Variants in MLIP observed in about 807,000 individuals in gnomAD.
The protein encoded by MLIP is muscular LMNA-interacting protein.
In MLIP, 79 loss-of-function variants were observed where a neutral mutation model predicts 84.8. The observed-to-expected ratio is 0.93, with a 90% CI of 0.78 to 1.12. The LOEUF is 1.12. MLIP is among the 50% of genes most tolerant of loss of function. MLIP has a pLI of 0.00. For synonymous variants in MLIP, 504 were observed against 463.0 expected, an observed-to-expected ratio of 1.09 and a Z score of -1.14; for missense variants, 1,257 against 1,160.6, an observed-to-expected ratio of 1.08 and a Z score of -1.21.
At chr6:54,200,494 C>T (rs1259427299) in intron 10 of MLIP, among the ~76,000 whole-genome samples, 2 of 151,398 alleles carry the variant, frequency 1.3e-5, no homozygotes, top group Admixed American at 6.6e-5. Context: ...AGAAATGAAG[C>T]AGGAAGTCAA....
Position 54,137,378 on chromosome 6 carries a change from C to T in MLIP, c.1309C>T (p.Pro437Ser), listed in dbSNP as rs181378189. ...HQRPFSPASCPTFSLNSPASS... is the reference protein window; with the variant it reads ...HQRPFSPASCSTFSLNSPASS... Reference sequence around the variant, plus strand: ...AAGACCCTTTTCCCCTGCATCCTGTCCCACCTTCTCTCTCAACTCCCCGGC... The same window carrying T: ...AAGACCCTTTTCCCCTGCATCCTGTTCCACCTTCTCTCTCAACTCCCCGGC... The change falls in exon 4 of 14, where the codon CCC (proline) becomes TCC (serine). Residue 437 changes from proline (P) to serine (S), a missense_variant. Coordinates refer to ENST00000502396, the MANE Select transcript of MLIP (RefSeq NM_001281747.2). 30 of 1,536,122 alleles carry T rather than the reference C, an allele frequency of 2.0e-5. No homozygotes were observed. The East Asian group carries it at 7.1e-4, about 36-fold the overall frequency.
At chr6:54,025,372 T>G (rs1763742337) in intron 1 of MLIP, among the ~76,000 whole-genome samples, 1 of 152,136 alleles carries the variant, frequency 6.6e-6, no homozygotes, top group African/African-American at 2.4e-5. Flanking sequence ...ACAAGGCAAC[T>G]TCACATAATA....
chr6:54,242,625 C>T (rs151231389), intron 12 of MLIP, among the ~76,000 whole-genome samples: 8 of 152,152 alleles, frequency 5.3e-5, no homozygotes, highest in African/African-American at 1.9e-4. Context: ...TAATTCTAAC[C>T]TTCCCCTACT....
At chr6:54,160,849 A>G (rs1285558694) in intron 8 of MLIP, 50 bp downstream of exon 8, 5 of 1,473,170 alleles carry the variant, frequency 3.4e-6, no homozygotes, top group Non-Finnish European at 3.7e-6. Context: ...TTATTAGATC[A>G]ATGATTTCCA....
chr6:54,159,887 G>C (rs1774433337), intron 5 of MLIP, among the ~76,000 whole-genome samples: 1 of 152,012 alleles, frequency 6.6e-6, no homozygotes, highest in East Asian at 1.9e-4. Flanking sequence ...TAAGCAAAAA[G>C]AACAAAGCTG....
chr6:54,124,785 A>C lies in MLIP; in HGVS notation c.565A>C (p.Lys189Gln). 2 of 1,614,170 alleles carry C rather than the reference A, an allele frequency of 1.2e-6. No individual in the cohort carries two copies. The highest frequency in any genetic ancestry group is 1.7e-6 in the Non-Finnish European group (2 of 1,180,016). The change falls in exon 3 of 14, where the codon AAA becomes CAA. Residue 189 changes from lysine to glutamine, a missense_variant. Lys to Gln is a moderately conservative substitution (Grantham distance 53). Transcript: ENST00000502396. Reference protein sequence around the residue: ...SSLVSDVVRPKTQGTDLKTSS... With the variant: ...SSLVSDVVRPQTQGTDLKTSS... ...TCTGGTCTCTGATGTAGTGCGTCCC[A>C]AAACACAGGGGACTGATCTCAAGAC...
chr6:54,151,946 A>C (rs1773490081), intron 5 of MLIP, among the ~76,000 whole-genome samples: 1 of 152,062 alleles, frequency 6.6e-6, no homozygotes. Flanking sequence ...AAAAGAGTAC[A>C]CTTTGTTGGC....
chr6:54,087,687 G>T (rs978609255), intron 1 of MLIP, among the ~76,000 whole-genome samples: 1 of 152,122 alleles, frequency 6.6e-6, no homozygotes, highest in African/African-American at 2.4e-5. Context: ...ACCTGCATGG[G>T]TTGTGAGAAC....
At chr6:54,032,489 A>G (rs2150285380) in intron 1 of MLIP, 1 of 152,328 alleles carries the variant, frequency 6.6e-6, no homozygotes, top group Non-Finnish European at 1.5e-5. Context: ...GTACTTCTGA[A>G]TATCTGGAAC....
Position 54,230,829 on chromosome 6 carries a change from C to T in MLIP, c.2834C>T (p.Ala945Val), listed in dbSNP as rs768755272. 6.2e-7 allele frequency: 1 copy of T among 1,614,044 alleles called. No individual in the cohort carries two copies. The highest frequency in any genetic ancestry group is 1.1e-5 in the South Asian group (1 of 91,072). Reference sequence around the variant, plus strand: ...ACCCTCTCACATGCTGACTGTCTTGCCCCAGGACCCTTCAGTCATCTGTCC... The same window carrying T: ...ACCCTCTCACATGCTGACTGTCTTGTCCCAGGACCCTTCAGTCATCTGTCC... ...PQTLSHADCL[A>V]PGPFSHLSFS... Residue 945 changes from alanine (A) to valine (V), a missense_variant, in exon 12 of 14, where the codon GCC (alanine) becomes GTC (valine). By Grantham distance (64) the Ala-to-Val change is moderately conservative. Transcript: ENST00000502396.
At chr6:54,036,392 A>G (rs966557451) in intron 1 of MLIP, among the ~76,000 whole-genome samples, 11 of 152,138 alleles carry the variant, frequency 7.2e-5, no homozygotes, top group African/African-American at 2.4e-4. Flanking sequence ...CCCAGTCACC[A>G]GTGTATTAAT....
intron 1 of MLIP, among the ~76,000 whole-genome samples, chr6:54,025,555 AT>A (rs1168863571): frequency 2.6e-5 from 4 of 152,048 alleles, no homozygotes; most frequent in African/African-American, 9.7e-5. Context: ...ATGATATTTT[AT>A]TTTTTTGGCA....
At chr6:54,029,660 A>G (rs1212315727) in intron 1 of MLIP, among the ~76,000 whole-genome samples, 1 of 152,140 alleles carries the variant, frequency 6.6e-6, no homozygotes, top group Non-Finnish European at 1.5e-5. Context: ...GTATCATACT[A>G]TATACTATGT....
At chr6:54,206,252 A>G (rs1270764250) in intron 11 of MLIP, among the ~76,000 whole-genome samples, 1 of 152,180 alleles carries the variant, frequency 6.6e-6, no homozygotes. Flanking sequence ...CCTCATTTAC[A>G]TAAAGTGTTA....
chr6:54,236,477 C>T (rs1467115443), intron 12 of MLIP, among the ~76,000 whole-genome samples: 2 of 152,096 alleles, frequency 1.3e-5, no homozygotes, highest in Non-Finnish European at 2.9e-5. Context: ...TGTGGCACAC[C>T]TGTAATCCCA....
intron 10 of MLIP, among the ~76,000 whole-genome samples, chr6:54,195,144 A>G (rs913873578): frequency 1.3e-5 from 2 of 152,078 alleles, no homozygotes; most frequent in Non-Finnish European, 2.9e-5. Context: ...GAGAATGAAG[A>G]CAAAACTGCA....
rs1767486435 is a variant in MLIP at position 54,086,323 on chromosome 6, C to T, written c.64-35124C>T. Among the ~76,000 whole-genome samples the T allele has an allele frequency of 2.0e-5, 3 of 152,152 alleles. 1 individual carries two copies. The South Asian group carries it at 6.2e-4, about 32-fold the overall frequency. On this transcript the variant is annotated intron_variant, in intron 1 of 12. Transcript: ENST00000274897. ...TATTTACTTGAATGTCTAAAAGACCCCTCCCACCTAAGGTGTCCACAATTG... is the reference window on the plus strand; with the variant it reads ...TATTTACTTGAATGTCTAAAAGACCTCTCCCACCTAAGGTGTCCACAATTG...
chr6:54,155,433 G>A (rs1387895628), intron 5 of MLIP, among the ~76,000 whole-genome samples: 5 of 152,032 alleles, frequency 3.3e-5, no homozygotes, highest in Admixed American at 2.0e-4. Flanking sequence ...TGATTTGATC[G>A]TTACTAAAAT....
chr6:54,118,522 T>C (rs1055364018), intron 1 of MLIP, among the ~76,000 whole-genome samples: 5 of 152,186 alleles, frequency 3.3e-5, no homozygotes, highest in Admixed American at 6.5e-5. Context: ...ATACAAAACA[T>C]TTTAAACACT....
Sources: gnomAD v4.1 joint callset for allele counts (sites outside exome capture counted in the v4.1 genomes callset) on GRCh38, gnomAD v4.1.1 for gene constraint, MANE v1.5 for transcripts, NCBI Gene and HGNC (gene_info 2026-07-23, HGNC 2026-07-21) for gene names.